Variants in GLOD4 observed in about 807,000 individuals in gnomAD.
GLOD4 encodes glyoxalase domain-containing protein 4.
In GLOD4, 44 loss-of-function variants were observed where a neutral mutation model predicts 39.1. That is an observed-to-expected ratio of 1.13 (90% CI 0.88 to 1.45). The LOEUF is 1.45. Ranked by LOEUF, GLOD4 falls within the 40% of genes most tolerant of loss-of-function variation. The pLI, the probability that GLOD4 is intolerant of heterozygous loss-of-function variation, is 0.00. For missense variants in GLOD4, 405 were observed against 366.4 expected (o/e 1.11, Z -0.86); for synonymous variants, 145 against 135.0 (o/e 1.07, Z -0.52).
chr17:769,902 CT>C lies in GLOD4; in HGVS notation c.797del (p.Lys266ArgfsTer51). ...ACAATTTGCTTCCCTCTGGATCCATCTTAGAAAGTTCTCGAAATGCTTCATC... is the reference window on the plus strand; with the variant it reads ...ACAATTTGCTTCCCTCTGGATCCATCTAGAAAGTTCTCGAAATGCTTCATC... ...VGDEAFRELS[K>X]MDPEGSKLLD... On this transcript the variant is annotated frameshift_variant, in exon 8 of 9. Transcript: ENST00000301329. LOFTEE classifies it high-confidence loss of function. The C allele has an allele frequency of 6.2e-7, 1 of 1,609,692 alleles. No individual in the cohort carries two copies. Among genetic ancestry groups the C allele is most frequent in the Non-Finnish European group, 8.5e-7 (1 of 1,175,934 alleles).
At chr17:783,304 T>G, upstream of GLOD4, 2 of 1,613,182 alleles carry the variant, frequency 1.2e-6, no homozygotes, top group Non-Finnish European at 1.7e-6. Flanking sequence ...TGGTCCGACC[T>G]CGTAACGCCA....
At chr17:782,369 C>T, upstream of GLOD4, 2 of 1,613,524 alleles carry the variant, frequency 1.2e-6, no homozygotes, top group Non-Finnish European at 1.7e-6. Context: ...CAGCCCGGGT[C>T]TCAGGGAACA....
chr17:782,101 G>T, intron 1 of GLOD4, 65 bp downstream of exon 1: 3 of 1,256,238 alleles, frequency 2.4e-6, no homozygotes, highest in South Asian at 1.4e-5. Context: ...CCCTCCCTCC[G>T]CCAGGGCCGG....
intron 8 of GLOD4, among the ~76,000 whole-genome samples, chr17:761,689 A>G (rs182933841): frequency 8.7e-4 from 132 of 152,242 alleles, no homozygotes; most frequent in African/African-American, 3.1e-3. Flanking sequence ...TGTTTAGTAG[A>G]GACAGGGTTT....
chr17:767,740 G>C (rs1315261428), intron 8 of GLOD4, among the ~76,000 whole-genome samples: 1 of 148,980 alleles, frequency 6.7e-6, no homozygotes, highest in African/African-American at 2.5e-5. Context: ...GAGGGAAACA[G>C]CGCGCACTCA....
intron 8 of GLOD4, among the ~76,000 whole-genome samples, chr17:768,394 GA>G (rs1431584088): frequency 6.8e-6 from 1 of 146,638 alleles, no homozygotes; most frequent in Non-Finnish European, 1.5e-5. Flanking sequence ...GGACGTAAGA[GA>G]GAGAAACAGC....
At chr17:782,648 T>C (rs1318264890), upstream of GLOD4, 12 of 1,612,938 alleles carry the variant, frequency 7.4e-6, no homozygotes, top group Non-Finnish European at 9.3e-6. Flanking sequence ...GGGAAGAGTC[T>C]GGGCTTCGCT....
intron 4 of GLOD4, 117 bp from the exon 5 acceptor site, chr17:771,578 C>A: frequency 1.7e-6 from 1 of 602,118 alleles, no homozygotes; most frequent in East Asian, 3.1e-5. Context: ...GATTTTAAGC[C>A]AGTATGAAGC....
intron 8 of GLOD4, 105 bp from the exon 9 acceptor site, chr17:760,343 T>TAAAAAA (rs1905230859): frequency 7.5e-6 from 5 of 663,336 alleles, no homozygotes; most frequent in East Asian, 5.3e-5. Flanking sequence ...AAATTAACAT[T>TAAAAAA]AAAAAAAGGA....
At chr17:772,697 A>G (rs1434587649) in intron 4 of GLOD4, among the ~76,000 whole-genome samples, 2 of 152,222 alleles carry the variant, frequency 1.3e-5, no homozygotes, top group Admixed American at 1.3e-4. Flanking sequence ...GTCAAATAAC[A>G]TACGAAAAAA....
intron 1 of GLOD4, among the ~76,000 whole-genome samples, chr17:780,267 T>G (rs1279494910): frequency 2.0e-5 from 3 of 152,178 alleles, no homozygotes; most frequent in Non-Finnish European, 4.4e-5. Flanking sequence ...ACTGATCCCA[T>G]CACCACCCTG....
chr17:778,051 G>T (rs548518559), intron 2 of GLOD4, among the ~76,000 whole-genome samples: 50 of 152,328 alleles, frequency 3.3e-4, no homozygotes, highest in Non-Finnish European at 5.9e-4. Context: ...AGCCTGCCCA[G>T]AAGAGCATGG....
Position 782,229 on chromosome 17 carries a change from G to C in GLOD4, c.27C>G (p.Phe9Leu). ...GGAAGCGGTTTCCCACTTTGAATAC[G>C]AAGTGCAGAGCTCTGCGAGCAGCCA... Reference protein sequence around the residue: MAARRALHFVFKVGNRFQT... With the variant: MAARRALHLVFKVGNRFQT... Residue 9 changes from phenylalanine to leucine, a missense_variant, in exon 1 of 9, where the codon TTC becomes TTG. Coordinates refer to ENST00000301329, the MANE Select transcript of GLOD4 (RefSeq NM_016080.4). 6.2e-7 allele frequency: 1 copy of C among 1,613,458 alleles called. No homozygotes were observed. The highest frequency in any genetic ancestry group is 8.5e-7 in the Non-Finnish European group (1 of 1,179,670).
chr17:767,534 GAA>G (rs1906821685), intron 8 of GLOD4, among the ~76,000 whole-genome samples: 2 of 121,962 alleles, frequency 1.6e-5, no homozygotes, highest in Non-Finnish European at 3.4e-5. Flanking sequence ...GATTTTTAGA[GAA>G]GAAATCTGGA....
At chr17:768,482 A>AG (rs1159324491) in intron 8 of GLOD4, among the ~76,000 whole-genome samples, 4 of 148,144 alleles carry the variant, frequency 2.7e-5, no homozygotes, top group South Asian at 2.2e-4. Flanking sequence ...TTTTAGAAGA[A>AG]ATCTGGAGAG....
chr17:764,320 T>C (rs1171214405), intron 8 of GLOD4: 1 of 152,176 alleles, frequency 6.6e-6, no homozygotes, highest in African/African-American at 2.4e-5. Flanking sequence ...GATCGCTTGA[T>C]TGCACCAATG....
At position 782,211 on chromosome 17, in the gene GLOD4, G is replaced by T; in HGVS notation, c.45C>A (p.Asn15Lys). ...RALHFVFKVGNRFQTARFYRD... is the reference protein window; with the variant it reads ...RALHFVFKVGKRFQTARFYRD... The stretch of plus-strand genomic sequence containing the variant: ...GATAGAAACGCGCCGTCTGGAAGCG[G>T]TTTCCCACTTTGAATACGAAGTGCA... Residue 15 changes from asparagine (N) to lysine (K), a missense_variant, in exon 1 of 9, where the codon AAC (asparagine) becomes AAA (lysine). Coordinates refer to ENST00000301329, the MANE Select transcript of GLOD4 (RefSeq NM_016080.4). The T allele has an allele frequency of 6.2e-7, 1 of 1,613,498 alleles. No individual in the cohort carries two copies. The highest frequency in any genetic ancestry group is 1.3e-5 in the African/African-American group (1 of 75,036).
chr17:783,265 T>G (rs1436496994), upstream of GLOD4: 2 of 1,613,942 alleles, frequency 1.2e-6, no homozygotes, highest in East Asian at 4.5e-5. Flanking sequence ...GTCAGCCTCA[T>G]TAAGGTGAAA....
intron 5 of GLOD4, 26 bp downstream of exon 5, chr17:771,299 G>A (rs1444952911): frequency 6.6e-6 from 10 of 1,515,018 alleles, no homozygotes; most frequent in Admixed American, 2.0e-5. Flanking sequence ...CAAAGTAACA[G>A]GTTATTCTTC....
Sources: gnomAD v4.1 joint callset for allele counts (sites outside exome capture counted in the v4.1 genomes callset) on GRCh38, gnomAD v4.1.1 for gene constraint, MANE v1.5 for transcripts, NCBI Gene and HGNC (gene_info 2026-07-23, HGNC 2026-07-21) for gene names.